Variants in RFTN2 observed in about 807,000 individuals in gnomAD.
RFTN2 encodes raftlin family member 2.
In RFTN2, 34 loss-of-function variants were observed where a neutral mutation model predicts 52.7. The observed-to-expected ratio is 0.64, with a 90% confidence interval of 0.49 to 0.86. RFTN2 has a LOEUF of 0.86. RFTN2 is among the 40% of genes least tolerant of loss of function. RFTN2 has a pLI of 0.00. For missense variants in RFTN2, 536 were observed against 600.1 expected (o/e 0.89, Z 1.12); for synonymous variants, 203 against 217.7 (o/e 0.93, Z 0.59).
chr2:197,633,319 T>G (rs73988490), intron 4 of RFTN2, among the ~76,000 whole-genome samples: 2,934 of 152,294 alleles, frequency 0.019, 83 homozygotes, highest in African/African-American at 0.068. Flanking sequence ...AAACCATCCA[T>G]GAAATGGGAA....
At chr2:197,592,477 G>A (rs2087734008) in intron 8 of RFTN2, among the ~76,000 whole-genome samples, 1 of 152,192 alleles carries the variant, frequency 6.6e-6, no homozygotes. Context: ...TTACAGGCGT[G>A]AGCCACTGTG....
chr2:197,646,763 A>T (rs2088756350), intron 1 of RFTN2, 97 bp from the exon 2 acceptor site: 2 of 1,017,278 alleles, frequency 2.0e-6, no homozygotes, highest in East Asian at 5.2e-5. Flanking sequence ...ATAGGAAAAG[A>T]TCTTGGCCGG....
chr2:197,585,384 C>T (rs1274685184), intron 8 of RFTN2, among the ~76,000 whole-genome samples: 2 of 152,106 alleles, frequency 1.3e-5, no homozygotes, highest in Non-Finnish European at 2.9e-5. Flanking sequence ...TTACCCTTTT[C>T]CTTCAAACCA....
intron 5 of RFTN2, among the ~76,000 whole-genome samples, chr2:197,630,534 GAAGT>G (rs1383678891): frequency 1.3e-5 from 2 of 152,170 alleles, no homozygotes; most frequent in African/African-American, 4.8e-5. Context: ...GGTGAAGACA[GAAGT>G]AAGAACAGAG....
chr2:197,614,493 C>T (rs1283668692), intron 7 of RFTN2, among the ~76,000 whole-genome samples: 2 of 152,178 alleles, frequency 1.3e-5, no homozygotes, highest in East Asian at 3.9e-4. Context: ...GGACAAGGAC[C>T]TAGGTACTGA....
At position 197,617,935 on chromosome 2, in the gene RFTN2, G is replaced by C; in HGVS notation, c.929-14C>G. 1 of 1,587,122 alleles carries C rather than the reference G, an allele frequency of 6.3e-7. No individual in the cohort carries two copies. The highest frequency in any genetic ancestry group is 8.6e-7 in the Non-Finnish European group (1 of 1,166,076). On this transcript the variant is annotated splice_polypyrimidine_tract_variant and intron_variant, in intron 5 of 8. Transcript: ENST00000295049. ...GCAAATGTTCCCCTGTGAGGAAGAGGGTACAATTAAGAAGGGTTGTAAATA... is the reference window on the plus strand; with the variant it reads ...GCAAATGTTCCCCTGTGAGGAAGAGCGTACAATTAAGAAGGGTTGTAAATA...
At chr2:197,610,948 T>C (rs2106205012) in intron 7 of RFTN2, among the ~76,000 whole-genome samples, 1 of 152,378 alleles carries the variant, frequency 6.6e-6, no homozygotes. Flanking sequence ...CAGCCTTGCA[T>C]CCCAGGGATG....
At chr2:197,639,414 T>C (rs1181357627) in intron 3 of RFTN2, among the ~76,000 whole-genome samples, 25 of 151,942 alleles carry the variant, frequency 1.6e-4, no homozygotes, top group Admixed American at 3.3e-4. Context: ...CATAGTCCCA[T>C]ATTTCTTGGA....
intron 7 of RFTN2, among the ~76,000 whole-genome samples, chr2:197,605,139 G>A (rs990116012): frequency 1.3e-5 from 2 of 152,080 alleles, no homozygotes; most frequent in African/African-American, 2.4e-5. Context: ...ACATGTAGAA[G>A]AATAGTTGTA....
intron 8 of RFTN2, among the ~76,000 whole-genome samples, chr2:197,580,860 C>A (rs1219821159): frequency 6.6e-6 from 1 of 152,134 alleles, no homozygotes; most frequent in African/African-American, 2.4e-5. Flanking sequence ...CCCACCTGCC[C>A]AGTTCCCTTA....
intron 1 of RFTN2, among the ~76,000 whole-genome samples, chr2:197,670,220 C>T (rs921141655): frequency 2.6e-5 from 4 of 152,126 alleles, no homozygotes; most frequent in African/African-American, 9.7e-5. Flanking sequence ...ACCATCCAAC[C>T]CTTTAAGGGT....
At chr2:197,589,093 C>T (rs535631747) in intron 8 of RFTN2, among the ~76,000 whole-genome samples, 28 of 151,682 alleles carry the variant, frequency 1.8e-4, no homozygotes, top group African/African-American at 5.8e-4. Context: ...TGGTGCTACG[C>T]GCCTGTAATC....
Position 197,655,591 on chromosome 2 carries a change from C to T in RFTN2, c.140-8925G>A, listed in dbSNP as rs186966960. Among the ~76,000 whole-genome samples the T allele has an allele frequency of 3.3e-5, 5 of 152,142 alleles. No homozygotes were observed. In the East Asian group the frequency reaches 5.8e-4, roughly 18 times the overall value. On this transcript the variant is annotated intron_variant, in intron 1 of 8. Transcript: ENST00000295049. ...CTGTAATCCCAGCACTTTGGGAGGC[C>T]GAGGCAGGCAGATCACGAGGTCAAG...
chr2:197,572,996 C>T (rs960017179), intron 8 of RFTN2, among the ~76,000 whole-genome samples: 8 of 151,630 alleles, frequency 5.3e-5, no homozygotes, highest in South Asian at 2.1e-4. Context: ...CTACGTGGAA[C>T]TGTGAGTCAA....
At chr2:197,598,389 A>G (rs1272697497) in intron 7 of RFTN2, among the ~76,000 whole-genome samples, 1 of 152,164 alleles carries the variant, frequency 6.6e-6, no homozygotes, top group Admixed American at 6.5e-5. Flanking sequence ...TGCAGAAGAG[A>G]CCTTCTGGGT....
At chr2:197,612,198 C>G (rs1453040482) in intron 7 of RFTN2, among the ~76,000 whole-genome samples, 1 of 152,076 alleles carries the variant, frequency 6.6e-6, no homozygotes, top group Non-Finnish European at 1.5e-5. Context: ...AGTCCCCTGC[C>G]TTTAAATTCT....
chr2:197,665,527 T>TTTTTTTTTTA (rs1574754478), intron 1 of RFTN2, among the ~76,000 whole-genome samples: 1 of 142,550 alleles, frequency 7.0e-6, no homozygotes, highest in East Asian at 2.0e-4. Flanking sequence ...CTTTTTTTTT[T>TTTTTTTTTTA]TTTTTTACTG....
chr2:197,672,786 A>G (rs1242108572), intron 1 of RFTN2, among the ~76,000 whole-genome samples: 1 of 152,168 alleles, frequency 6.6e-6, no homozygotes, highest in Non-Finnish European at 1.5e-5. Context: ...CTTCAAGTCT[A>G]TGCTATGATT....
At chr2:197,674,339 C>CAAACAA (rs2089186902) in intron 1 of RFTN2, among the ~76,000 whole-genome samples, 1 of 34,266 alleles carries the variant, frequency 2.9e-5, no homozygotes, top group Non-Finnish European at 4.9e-5. Flanking sequence ...TAGAGCAAAG[C>CAAACAA]AAAAAAAAAA....
Sources: allele counts gnomAD v4.1 joint callset (sites outside exome capture counted in the v4.1 genomes callset), GRCh38; gene constraint gnomAD v4.1.1; transcripts MANE v1.5; gene names NCBI Gene and HGNC (gene_info 2026-07-23, HGNC 2026-07-21).